BZW1: variants seen among roughly 807,000 people sequenced by gnomAD.
BZW1 encodes the protein basic leucine zipper and W2 domains 1.
A neutral mutation model predicts 54.1 loss-of-function variants in BZW1; 3 were observed. That is an observed-to-expected ratio of 0.06 (90% confidence interval 0.03 to 0.14). The LOEUF (loss-of-function observed/expected upper bound fraction) is 0.14, where lower values mean the gene tolerates loss of function less well. BZW1 is among the 10% of genes least tolerant of loss of function. The pLI is 1.00. For synonymous variants in BZW1, 152 were observed against 162.7 expected (o/e 0.93, Z 0.50); for missense variants, 206 against 491.7 (o/e 0.42, Z 5.50).
At chr2:200,822,008 G>T in intron 11 of BZW1, 139 bp from the exon 12 acceptor site, 4 of 712,338 alleles carry the variant, frequency 5.6e-6, no homozygotes, top group South Asian at 1.7e-5. Context: ...GGCAGAGGTT[G>T]CAGTGAGCCA....
Position 200,825,582 on chromosome 2 carries a change from C to G in BZW1, c.*3404C>G, listed in dbSNP as rs1184207721. 2 of 152,168 alleles carry G rather than the reference C, an allele frequency of 1.3e-5. No individual in the cohort carries two copies. Among genetic ancestry groups the G allele is most frequent in the South Asian group, 2.1e-4 (1 of 4,828 alleles). 9.4% of individuals were successfully genotyped at this position (152,168 alleles called of 1,614,324 possible). On this transcript the variant is annotated 3_prime_UTR_variant, in exon 12 of 12. Transcript: ENST00000409600. ...AGTTGTGCTTTGTTCCTTACCCCACCACAGGCAACAGACAAAGCATTTCCT... is the reference window on the plus strand; with the variant it reads ...AGTTGTGCTTTGTTCCTTACCCCACGACAGGCAACAGACAAAGCATTTCCT...
intron 5 of BZW1, 61 bp from the exon 6 acceptor site, chr2:200,817,045 A>G: frequency 1.9e-6 from 3 of 1,569,702 alleles, no homozygotes; most frequent in Non-Finnish European, 2.6e-6. Context: ...AACATGCTTT[A>G]CTGCTTCTCT....
In BZW1 at chr2:200,823,334, ACTT is replaced by A. The variant is rs1168073877; in HGVS notation, c.*1160_*1162del. ...GTTTTTTAATTGCCATGAGCCAAAT[ACTT>A]CTTGGTATACAATTGATCCATTTAT... On this transcript the variant is annotated 3_prime_UTR_variant, in exon 12 of 12. Transcript: ENST00000409600. 6.3e-6 allele frequency: 1 copy of A among 159,808 alleles called. No individual in the cohort carries two copies. The highest frequency in any genetic ancestry group is 1.5e-5 in the Non-Finnish European group (1 of 68,078). 9.9% of individuals were successfully genotyped at this position (159,808 alleles called of 1,614,324 possible). A position where few individuals can be genotyped will look rare whatever the true frequency, so the allele number is the denominator to read the frequency against.
chr2:200,819,397 G>A (rs560290751), intron 9 of BZW1, among the ~76,000 whole-genome samples: 2 of 152,148 alleles, frequency 1.3e-5, no homozygotes, highest in East Asian at 1.9e-4. Context: ...TCAAAAAAAA[G>A]AACATGATGA....
chr2:200,815,445 T>G lies in BZW1; in HGVS notation c.169T>G (p.Ser57Ala). 2 of 1,613,984 alleles carry G rather than the reference T, an allele frequency of 1.2e-6. No homozygotes were observed. The highest frequency in any genetic ancestry group is 1.7e-6 in the Non-Finnish European group (2 of 1,179,886). The change falls in exon 3 of 12, where the codon TCT becomes GCT. Residue 57 changes from serine to alanine, a missense_variant. Transcript: ENST00000409600. ...AGCAGTAGCTAAGTTTCTTGATGCT[T>G]CTGGAGCAAAACTTGATTACCGTCG... ...LEAVAKFLDA[S>A]GAKLDYRRYA...
At position 200,824,163 on chromosome 2, in the gene BZW1, A is replaced by G. The variant is rs1465048106; in HGVS notation, c.*1985A>G. 14 of 152,212 alleles carry G rather than the reference A, an allele frequency of 9.2e-5. No individual in the cohort carries two copies. Among genetic ancestry groups the G allele is most frequent in the African/African-American group, 3.4e-4 (14 of 41,454 alleles). The allele number at this position is 152,212 out of a possible 1,614,324, so 9.4% of individuals were successfully genotyped here. A position where few individuals can be genotyped will look rare whatever the true frequency, so the allele number is the denominator to read the frequency against. ...GACACTGTAGTGTTTACTTAGTAGA[A>G]CATTATAGTAAGTGGATATCACTTG... On this transcript the variant is annotated 3_prime_UTR_variant, in exon 12 of 12. Transcript: ENST00000409600.
Position 200,824,488 on chromosome 2 carries a change from TTCTA to T in BZW1, c.*2312_*2315del, listed in dbSNP as rs2038639043. On this transcript the variant is annotated 3_prime_UTR_variant, in exon 12 of 12. Transcript: ENST00000409600. ...TCTGTGAGTTATAGATGTTATTTCA[TTCTA>T]TATATAGATGTTTATTCCATTCTTA... 1 of 151,888 alleles carries T rather than the reference TTCTA, an allele frequency of 6.6e-6. No homozygotes were observed. Among genetic ancestry groups the T allele is most frequent in the Non-Finnish European group, 1.5e-5 (1 of 67,968 alleles). 9.4% of individuals were successfully genotyped at this position (151,888 alleles called of 1,614,324 possible).
Position 200,817,132 on chromosome 2 carries a change from A to G in BZW1, c.429A>G (p.Ser143=), listed in dbSNP as rs1008132894. ...TGCTGCTGTTCTTGAAGGGTTTTTCAGAGTCGGAGAGGAACAAGCTAGCTA... is the reference window on the plus strand; with the variant it reads ...TGCTGCTGTTCTTGAAGGGTTTTTCGGAGTCGGAGAGGAACAAGCTAGCTA... ...KKLLLFLKGF[S]ESERNKLAML... is the part of the protein sequence containing the mutation. The change falls in exon 6 of 12, where the codon TCA becomes TCG. Residue 143 remains serine (S), a synonymous_variant. Transcript: ENST00000409600. 2 of 1,613,862 alleles carry G rather than the reference A, an allele frequency of 1.2e-6. No homozygotes were observed. The highest frequency in any genetic ancestry group is 1.7e-6 in the Non-Finnish European group (2 of 1,179,868).
intron 5 of BZW1, 85 bp from the exon 6 acceptor site, chr2:200,817,021 C>A: frequency 6.8e-7 from 1 of 1,476,588 alleles, no homozygotes; most frequent in South Asian, 1.2e-5. Flanking sequence ...ACGTATTGAA[C>A]AGGTAGCCAG....
At chr2:200,812,053 G>A (rs932221446) in intron 1 of BZW1, 63 bp downstream of exon 1, 1 of 428,314 alleles carries the variant, frequency 2.3e-6, no homozygotes, top group Non-Finnish European at 3.9e-6. Flanking sequence ...CGGGCAGAGG[G>A]AGAGGGAGGC....
At chr2:200,818,948 G>A in intron 9 of BZW1, 47 bp downstream of exon 9, 2 of 1,504,636 alleles carry the variant, frequency 1.3e-6, no homozygotes, top group Non-Finnish European at 8.8e-7. Flanking sequence ...GCTTTCACGT[G>A]GTGATAAGTG....
At chr2:200,814,888 G>A (rs1368101220) in intron 2 of BZW1, among the ~76,000 whole-genome samples, 2 of 152,104 alleles carry the variant, frequency 1.3e-5, no homozygotes, top group African/African-American at 2.4e-5. Flanking sequence ...TCTGTCATTG[G>A]GTGCTCATTA....
chr2:200,814,558 G>C (rs2038218358), intron 2 of BZW1, among the ~76,000 whole-genome samples: 1 of 152,194 alleles, frequency 6.6e-6, no homozygotes, highest in Non-Finnish European at 1.5e-5. Context: ...ACAAGGCTGT[G>C]GTCTGGGAGC....
At chr2:200,818,509 T>C (rs1216466267) in intron 8 of BZW1, 116 bp downstream of exon 8, 1 of 1,256,376 alleles carries the variant, frequency 8.0e-7, no homozygotes, top group Admixed American at 2.7e-5. Flanking sequence ...CAGGATGTTA[T>C]ACTGGAACTT....
chr2:200,814,832 C>G (rs2038228358), intron 2 of BZW1, among the ~76,000 whole-genome samples: 1 of 152,180 alleles, frequency 6.6e-6, no homozygotes. Context: ...GAAAAATCTG[C>G]CTCACAAGGT....
In BZW1 at chr2:200,822,238, A is replaced by C. The variant is rs2038555301; in HGVS notation, c.*60A>C. Reference sequence around the variant, plus strand: ...AGTTGTAGATAAAATGTCATGTCTCATGTGTCCTGGTTCTTACATCTTCCT... The same window carrying C: ...AGTTGTAGATAAAATGTCATGTCTCCTGTGTCCTGGTTCTTACATCTTCCT... On this transcript the variant is annotated 3_prime_UTR_variant, in exon 12 of 12. Coordinates refer to ENST00000409600, the MANE Select transcript of BZW1 (RefSeq NM_001207067.2). 2 of 1,435,632 alleles carry C rather than the reference A, an allele frequency of 1.4e-6. No individual in the cohort carries two copies. The highest frequency in any genetic ancestry group is 1.9e-6 in the Non-Finnish European group (2 of 1,037,132). 88.9% of individuals were successfully genotyped at this position (1,435,632 alleles called of 1,614,324 possible). A position where few individuals can be genotyped will look rare whatever the true frequency, so the allele number is the denominator to read the frequency against.
At chr2:200,821,100 C>G in intron 10 of BZW1, 83 bp from the exon 11 acceptor site, 1 of 1,494,254 alleles carries the variant, frequency 6.7e-7, no homozygotes, top group South Asian at 1.2e-5. Context: ...GTTTGCTAAG[C>G]AGGCATTTGC....
rs565417904 is a variant in BZW1 at position 200,823,248 on chromosome 2, C to T, written c.*1070C>T. The T allele has an allele frequency of 1.1e-3, 185 of 165,744 alleles. No homozygotes were observed. The highest frequency in any genetic ancestry group is 2.1e-3 in the Non-Finnish European group (141 of 68,108). The allele number at this position is 165,744 out of a possible 1,614,324, so 10.3% of individuals were successfully genotyped here. ...CTACTCGGTCATACTGGACTGGCTT[C>T]GTTCTCTTAATATACTCAGTAATGA... On this transcript the variant is annotated 3_prime_UTR_variant, in exon 12 of 12. Coordinates refer to ENST00000409600, the MANE Select transcript of BZW1 (RefSeq NM_001207067.2).
In BZW1 at chr2:200,823,727, C is replaced by G. The variant is rs1480342157; in HGVS notation, c.*1549C>G. On this transcript the variant is annotated 3_prime_UTR_variant, in exon 12 of 12. Coordinates refer to ENST00000409600, the MANE Select transcript of BZW1 (RefSeq NM_001207067.2). ...AGTAACTTTGATAAAGTTTTTCATGCACAGGCAAAATGTATTCACTAGATT... is the reference window on the plus strand; with the variant it reads ...AGTAACTTTGATAAAGTTTTTCATGGACAGGCAAAATGTATTCACTAGATT... The G allele has an allele frequency of 6.6e-6, 1 of 152,106 alleles. No homozygotes were observed. Among genetic ancestry groups the G allele is most frequent in the African/African-American group, 2.4e-5 (1 of 41,302 alleles). The allele number at this position is 152,106 out of a possible 1,614,324, so 9.4% of individuals were successfully genotyped here.
Sources: allele counts gnomAD v4.1 joint callset (sites outside exome capture counted in the v4.1 genomes callset), GRCh38; gene constraint gnomAD v4.1.1; transcripts MANE v1.5; gene names NCBI Gene and HGNC (gene_info 2026-07-23, HGNC 2026-07-21).